The following PKD1 variants were observed in gnomAD, a reference collection of about 807,000 sequenced individuals.
PKD1 encodes polycystin 1, transient receptor potential channel interacting.
Under a neutral mutation model 361.7 loss-of-function variants are expected in PKD1, and 81 were observed. That is an observed-to-expected ratio of 0.22 (90% CI 0.19 to 0.27). The LOEUF is 0.27. PKD1 is among the 10% of genes least tolerant of loss of function. The pLI, the probability that PKD1 is intolerant of heterozygous loss-of-function variation, is 1.00. For synonymous variants in PKD1, 3,615 were observed against 2,818.3 expected (o/e 1.28, Z -8.95); for missense variants, 6,399 against 6,118.3 (o/e 1.05, Z -1.53).
At position 2,090,941 on chromosome 16, in the gene PKD1, C is replaced by T. The variant is rs2854585; in HGVS notation, c.11946G>A (p.Gln3982=). ...RRFTSFDQVA[Q]LSSAARGLAA... Reference sequence around the variant, plus strand: ...CCAGGCCACGGGCTGCGGAGCTCAGCTGCGCCACCTGGTCGAAGCTAGTGA... The same window carrying T: ...CCAGGCCACGGGCTGCGGAGCTCAGTTGCGCCACCTGGTCGAAGCTAGTGA... Residue 3982 remains glutamine (Q), a synonymous_variant, in exon 43 of 46, where the codon CAG becomes CAA. Coordinates refer to ENST00000262304, the MANE Select transcript of PKD1 (RefSeq NM_001009944.3). The T allele has an allele frequency of 6.4e-7, 1 of 1,569,896 alleles. No homozygotes were observed. Among genetic ancestry groups the T allele is most frequent in the East Asian group, 2.3e-5 (1 of 43,282 alleles).
At position 2,097,233 on chromosome 16, in the gene PKD1, G is replaced by A. The variant is rs925526094; in HGVS notation, c.10414C>T (p.Leu3472=). Residue 3472 remains leucine, a synonymous_variant, in exon 34 of 46, where the codon CTG becomes TTG. Transcript: ENST00000262304. ...AKSFSASDED[L]IQQVLAEGVS... The stretch of plus-strand genomic sequence containing the variant: ...CCCTCGGCAAGGACCTGCTGGATCA[G>A]GTCTTCATCTAGAGGTACAGGAGGC... 4.4e-6 allele frequency: 7 copies of A among 1,585,224 alleles called. No homozygotes were observed. The Admixed American group carries it at 5.4e-5, about 12-fold the overall frequency.
In PKD1 at chr16:2,100,785, T is replaced by G; in HGVS notation, c.9398-219A>C. ...CATGATTAAGTTACATGGAAAGAAC[T>G]GTAACTTGTGACATGCAAACATGGC... On this transcript the variant is annotated intron_variant, in intron 26 of 45. Coordinates refer to ENST00000262304, the MANE Select transcript of PKD1 (RefSeq NM_001009944.3). The surrounding 1 kb of genome is among the most constrained non-coding windows in gnomAD (Gnocchi z 4.4). 1.7e-6 allele frequency: 1 copy of G among 587,736 alleles called. No homozygotes were observed. Among genetic ancestry groups the G allele is most frequent in the Non-Finnish European group, 3.1e-6 (1 of 327,810 alleles). 36.4% of individuals were successfully genotyped at this position (587,736 alleles called of 1,614,324 possible).
chr16:2,103,081 G>A lies in PKD1; in HGVS notation c.8792-111C>T, dbSNP rs546578973. 2.6e-4 allele frequency: 345 copies of A among 1,342,694 alleles called. 4 individuals carry two copies. The South Asian group carries it at 3.7e-3, about 14-fold the overall frequency. 83.2% of individuals were successfully genotyped at this position (1,342,694 alleles called of 1,614,324 possible). ...CTGCCACGGGCCTGAAAGGCCATAG[G>A]AGCCTCTGCACCAGAGCTGGCACCT... On this transcript the variant is annotated intron_variant, in intron 23 of 45. Transcript: ENST00000262304.
At chr16:2,120,301 A>T (rs1212545300) in intron 1 of PKD1, 1 of 162,148 alleles carries the variant, frequency 6.2e-6, no homozygotes, top group African/African-American at 2.4e-5. Flanking sequence ...TTCTACGCAA[A>T]ATATAAATAA....
rs1385613988 is a variant in PKD1 at position 2,115,473 on chromosome 16, C to G, written c.2002G>C (p.Gly668Arg). ...ASCHPQACAN[G>R]CTSGPGLPGA... ...GGTAGCCCTGGCCCTGACGTGCAGC[C>G]ATTGGCGCAGGCCTGGGGGTGGCAG... Residue 668 changes from glycine to arginine, a missense_variant, in exon 10 of 46, where the codon GGC (glycine) becomes CGC (arginine). Physicochemically the swap from Gly to Arg is moderately radical, Grantham distance 125. Coordinates refer to ENST00000262304, the MANE Select transcript of PKD1 (RefSeq NM_001009944.3). 1 of 1,602,278 alleles carries G rather than the reference C, an allele frequency of 6.2e-7. No individual in the cohort carries two copies. Among genetic ancestry groups the G allele is most frequent in the Middle Eastern group, 2.3e-4 (1 of 4,420 alleles).
At chr16:2,131,320 G>T (rs1182261377) in intron 1 of PKD1, among the ~76,000 whole-genome samples, 3 of 151,688 alleles carry the variant, frequency 2.0e-5, no homozygotes, top group Admixed American at 6.6e-5. Flanking sequence ...GACCATCCTG[G>T]CTAACACGGT....
At chr16:2,128,978 C>T (rs994507427) in intron 1 of PKD1, among the ~76,000 whole-genome samples, 30 of 152,068 alleles carry the variant, frequency 2.0e-4, no homozygotes, top group African/African-American at 6.5e-4. Context: ...ATTCTCCTGC[C>T]TCAGCCTCCT....
In PKD1 at chr16:2,099,683, G is replaced by A. The variant is rs1304817503; in HGVS notation, c.10011C>T (p.Tyr3337=). The change falls in exon 30 of 46, where the codon TAC becomes TAT. Residue 3337 remains tyrosine (Y), a synonymous_variant. Transcript: ENST00000262304. ...TCCGGAAGAGAAAAAGGATGGCCAG[G>A]TAGACGGGATAGACAACCACGCTGG... is the stretch of plus-strand genomic sequence containing the variant. The part of the protein sequence containing the change: ...LVSSVVVYPV[Y]LAILFLFRMS... The A allele has an allele frequency of 3.1e-6, 5 of 1,594,668 alleles. No individual in the cohort carries two copies. Among genetic ancestry groups the A allele is most frequent in the Middle Eastern group, 2.2e-4 (1 of 4,448 alleles).
At chr16:2,090,252 G>T (rs762701624) in intron 45 of PKD1, 33 bp downstream of exon 45, 2 of 1,608,896 alleles carry the variant, frequency 1.2e-6, no homozygotes, top group Non-Finnish European at 1.7e-6. Flanking sequence ...AGCCCAGGGC[G>T]TGTCCCTCTC....
chr16:2,094,119 G>A lies in PKD1; in HGVS notation c.10591C>T (p.Pro3531Ser), dbSNP rs757273158. ...GTCCTGGACAGCCTCGCTGCCTGGG[G>A]CTGTTCCCAGTTCAGGCCTGGGCTG... ...PPSPGLNWEQ[P>S]QAARLSRTGL... Residue 3531 changes from proline (P) to serine (S), a missense_variant, in exon 35 of 46, where the codon CCC becomes TCC. Pro to Ser is a moderately conservative substitution (Grantham distance 74). Coordinates refer to ENST00000262304, the MANE Select transcript of PKD1 (RefSeq NM_001009944.3). 6.3e-7 allele frequency: 1 copy of A among 1,593,242 alleles called. No homozygotes were observed. Among genetic ancestry groups the A allele is most frequent in the East Asian group, 2.3e-5 (1 of 44,048 alleles).
At chr16:2,112,670 A>G in intron 13 of PKD1, 118 bp downstream of exon 13, 2 of 1,217,946 alleles carry the variant, frequency 1.6e-6, no homozygotes, top group Non-Finnish European at 1.2e-6. Flanking sequence ...TTACCTCCCA[A>G]CAGACAGGGA....
Position 2,092,942 on chromosome 16 carries a change from G to A in PKD1, c.11156+12C>T, listed in dbSNP as rs200310470. 152 of 1,612,902 alleles carry A rather than the reference G, an allele frequency of 9.4e-5. 1 individual carries two copies. In the East Asian group the frequency reaches 2.7e-3, roughly 29 times the overall value. On this transcript the variant is annotated intron_variant, in intron 38 of 45. Coordinates refer to ENST00000262304, the MANE Select transcript of PKD1 (RefSeq NM_001009944.3). ...AGCCCAGAAGACAGACCAGTGCACC[G>A]GATGCCCGTACCGCGTGATGGCCAG...
Position 2,105,443 on chromosome 16 carries a change from G to A in PKD1, c.7895C>T (p.Pro2632Leu), listed in dbSNP as rs2092304259. 8.8e-6 allele frequency: 14 copies of A among 1,591,922 alleles called. No homozygotes were observed. The highest frequency in any genetic ancestry group is 1.1e-5 in the South Asian group (1 of 90,984). ...YERALDVAAE[P>L]KHERQHRAQI... ...GGCTCGGTGCTGCCGCTCGTGCTTGGGCTCTGCCGCCACGTCCAGGGCCCG... is the reference window on the plus strand; with the variant it reads ...GGCTCGGTGCTGCCGCTCGTGCTTGAGCTCTGCCGCCACGTCCAGGGCCCG... The change falls in exon 21 of 46, where the codon CCC becomes CTC. Residue 2632 changes from proline to leucine, a missense_variant. Coordinates refer to ENST00000262304, the MANE Select transcript of PKD1 (RefSeq NM_001009944.3).
At chr16:2,127,258 G>A (rs911149708) in intron 1 of PKD1, among the ~76,000 whole-genome samples, 2 of 152,228 alleles carry the variant, frequency 1.3e-5, no homozygotes, top group Non-Finnish European at 2.9e-5. Context: ...AAGAACAAAA[G>A]GAGTGAGGAC....
intron 1 of PKD1, among the ~76,000 whole-genome samples, chr16:2,126,087 C>T (rs1347327012): frequency 6.6e-6 from 1 of 152,154 alleles, no homozygotes; most frequent in Non-Finnish European, 1.5e-5. Context: ...AGCACAGATC[C>T]AGCGGGGCAG....
chr16:2,106,310 G>A lies in PKD1; in HGVS notation c.7490-6C>T, dbSNP rs2092333637. 1.2e-6 allele frequency: 2 copies of A among 1,608,792 alleles called. No homozygotes were observed. The highest frequency in any genetic ancestry group is 8.5e-7 in the Non-Finnish European group (1 of 1,178,430). On this transcript the variant is annotated splice_region_variant and splice_polypyrimidine_tract_variant and intron_variant, in intron 18 of 45. Coordinates refer to ENST00000262304, the MANE Select transcript of PKD1 (RefSeq NM_001009944.3). This position sits in a 1 kb window ranked among gnomAD's most constrained non-coding sequence, Gnocchi z 6.5. The stretch of plus-strand genomic sequence containing the variant: ...ATCCTCCGCGTCATGCCAGCCTGAG[G>A]GACGGTCCCCACGGCATCACGGGAG...
At position 2,106,942 on chromosome 16, in the gene PKD1, T is replaced by C. The variant is rs202114024; in HGVS notation, c.7072A>G (p.Ile2358Val). 6.3e-7 allele frequency: 1 copy of C among 1,586,240 alleles called. No homozygotes were observed. Among genetic ancestry groups the C allele is most frequent in the Non-Finnish European group, 8.5e-7 (1 of 1,172,418 alleles). The change falls in exon 17 of 46, where the codon ATC becomes GTC. Residue 2358 changes from isoleucine (I) to valine (V), a missense_variant. By Grantham distance (29) the Ile-to-Val change is conservative. Transcript: ENST00000262304. This position sits in a 1 kb window ranked among gnomAD's most constrained non-coding sequence, Gnocchi z 6.5. ...ACAATGGGCACCCGGCCACTCCGGA[T>C]CAGCACCTGGCGTGGGAGTGGGGTT... ...KEEATNQTVL[I>V]RSGRVPIVSL...
rs188534408 is a variant in PKD1 at position 2,103,312 on chromosome 16, G to A, written c.8745C>T (p.Asn2915=). ...GCTGCAGATGCAGCCCGGCCGCAGG[G>A]TTGCTGCTGTCCAGGGTGACCACAG... ...VGAVVTLDSS[N]PAAGLHLQLN... Residue 2915 remains asparagine (N), a synonymous_variant, in exon 23 of 46, where the codon AAC becomes AAT. Transcript: ENST00000262304. 14 of 1,608,462 alleles carry A rather than the reference G, an allele frequency of 8.7e-6. No individual in the cohort carries two copies. The highest frequency in any genetic ancestry group is 2.7e-5 in the African/African-American group (2 of 74,986).
chr16:2,120,186 T>G (rs554880836), intron 1 of PKD1: 4,835 of 353,464 alleles, frequency 0.014, 234 homozygotes, highest in African/African-American at 0.093. Flanking sequence ...TACTCCAGCC[T>G]GGGTGAAACG....
Sources: allele counts gnomAD v4.1 joint callset (sites outside exome capture counted in the v4.1 genomes callset), GRCh38; gene constraint gnomAD v4.1.1; non-coding constraint Gnocchi (gnomAD v3.1); transcripts MANE v1.5; gene names NCBI Gene and HGNC (gene_info 2026-07-23, HGNC 2026-07-21).